Variants in CUL4A observed in about 807,000 individuals in gnomAD.
The protein encoded by CUL4A is cullin-4A.
CUL4A carries 16 observed loss-of-function variants against 95.5 expected under a neutral mutation model. The observed-to-expected ratio is 0.17, with a 90% CI of 0.11 to 0.25. The LOEUF is 0.25. CUL4A is among the 10% of genes least tolerant of loss of function. The pLI, the probability that CUL4A is intolerant of heterozygous loss-of-function variation, is 1.00. For synonymous variants in CUL4A, 380 were observed against 353.1 expected (o/e 1.08, Z -0.85); for missense variants, 610 against 937.0 (o/e 0.65, Z 4.56).
At chr13:113,224,584 C>T (rs2041031542) in intron 3 of CUL4A, among the ~76,000 whole-genome samples, 1 of 152,234 alleles carries the variant, frequency 6.6e-6, no homozygotes, top group African/African-American at 2.4e-5. Context: ...CCAGTTTCCT[C>T]TAAGTGTGCC....
At chr13:113,257,226 G>A (rs1428776453) in intron 18 of CUL4A, among the ~76,000 whole-genome samples, 1 of 151,946 alleles carries the variant, frequency 6.6e-6, no homozygotes, top group African/African-American at 2.4e-5. Flanking sequence ...TGCCCAGCCT[G>A]CTTTGTCATT....
In CUL4A at chr13:113,236,983, A is replaced by G. The variant is rs766299617; in HGVS notation, c.916+93A>G. The stretch of plus-strand genomic sequence containing the variant: ...GGGCATTACAAATAGCAGTGTTAGG[A>G]CGTTTGTTATTTTCATAAGACAGTC... On this transcript the variant is annotated intron_variant, in intron 9 of 19. Coordinates refer to ENST00000375440, the MANE Select transcript of CUL4A (RefSeq NM_001008895.4). 2.0e-4 allele frequency: 163 copies of G among 804,984 alleles called. 1 individual carries two copies. Among genetic ancestry groups the G allele is most frequent in the Non-Finnish European group, 3.1e-4 (156 of 504,558 alleles). The allele number at this position is 804,984 out of a possible 1,614,324, so 49.9% of individuals were successfully genotyped here.
chr13:113,208,229 C>A, upstream of CUL4A: 2 of 1,493,948 alleles, frequency 1.3e-6, no homozygotes, highest in Non-Finnish European at 1.8e-6. Context: ...AGCGTCCATC[C>A]GACACAGCAC....
rs546441098 is a variant in CUL4A, at chr13:113,260,594, CT to C, written c.2032-7del. ...CAGTTTTACACTTAACTTTTTTTTT[CT>C]TTTTTATACAGGTTGAGGAACAGGT... On this transcript the variant is annotated splice_polypyrimidine_tract_variant and intron_variant, in intron 18 of 19. Transcript: ENST00000375440. 3.8e-6 allele frequency: 6 copies of C among 1,575,364 alleles called. No homozygotes were observed. Among genetic ancestry groups the C allele is most frequent in the Non-Finnish European group, 5.1e-6 (6 of 1,168,766 alleles).
At chr13:113,247,069 G>C (rs963662425) in intron 15 of CUL4A, among the ~76,000 whole-genome samples, 12 of 152,186 alleles carry the variant, frequency 7.9e-5, no homozygotes, top group African/African-American at 2.4e-4. Flanking sequence ...TGAAGGCAAA[G>C]GGGGAGTAGG....
intron 3 of CUL4A, among the ~76,000 whole-genome samples, chr13:113,227,087 G>A (rs578214839): frequency 1.3e-5 from 2 of 152,278 alleles, no homozygotes; most frequent in South Asian, 4.1e-4. Flanking sequence ...AGTGGCGAGC[G>A]GCCAGAGGCA....
chr13:113,253,016 T>C, intron 15 of CUL4A, 66 bp from the exon 16 acceptor site: 1 of 686,264 alleles, frequency 1.5e-6, no homozygotes, highest in South Asian at 2.2e-5. Context: ...ACTCTGTGCA[T>C]TGAATGGGGA....
intron 19 of CUL4A, among the ~76,000 whole-genome samples, chr13:113,261,133 C>T (rs985247000): frequency 5.9e-5 from 9 of 152,216 alleles, no homozygotes; most frequent in Non-Finnish European, 1.2e-4. Flanking sequence ...TTACAGCCTA[C>T]ACCGCGTTTT....
chr13:113,209,741 C>G lies in CUL4A; in HGVS notation c.114C>G (p.Gly38=). ...CGCCCGCCAAGCCGGGGGGCGCGGG[C>G]GGCTCCAAGAAGCTGGTCATCAAGA... ...AAAPAKPGGA[G]GSKKLVIKNF... Residue 38 remains glycine, a synonymous_variant, in exon 1 of 20, where the codon GGC becomes GGG. Coordinates refer to ENST00000375440, the MANE Select transcript of CUL4A (RefSeq NM_001008895.4). 8.5e-7 allele frequency: 1 copy of G among 1,169,850 alleles called. No individual in the cohort carries two copies. The highest frequency in any genetic ancestry group is 1.1e-6 in the Non-Finnish European group (1 of 948,246). The allele number at this position is 1,169,850 out of a possible 1,614,324, so 72.5% of individuals were successfully genotyped here.
chr13:113,219,000 G>A lies in CUL4A; in HGVS notation c.320G>A (p.Arg107His), dbSNP rs201003509. The A allele has an allele frequency of 2.4e-5, 38 of 1,613,750 alleles. No homozygotes were observed. Among genetic ancestry groups the A allele is most frequent in the African/African-American group, 8.0e-5 (6 of 74,970 alleles). Residue 107 changes from arginine to histidine, a missense_variant, in exon 3 of 20, where the codon CGT becomes CAT. This residue lies in a region of CUL4A where 168 missense variants were observed against 185.5 expected (regional missense o/e 0.91). Coordinates refer to ENST00000375440, the MANE Select transcript of CUL4A (RefSeq NM_001008895.4). ...KVSPMLYKQL[R>H]QACEDHVQAQ... Reference sequence around the variant, plus strand: ...TCCCCAATGCTCTACAAGCAACTGCGTCAGGCCTGTGAAGACCACGTCCAG... The same window carrying A: ...TCCCCAATGCTCTACAAGCAACTGCATCAGGCCTGTGAAGACCACGTCCAG...
intron 2 of CUL4A, among the ~76,000 whole-genome samples, chr13:113,212,233 C>T (rs1000247618): frequency 1.3e-5 from 2 of 152,172 alleles, no homozygotes; most frequent in Admixed American, 1.3e-4. Context: ...CTTGCAAATA[C>T]TTTCTGCCTA....
intron 3 of CUL4A, 53 bp from the exon 4 acceptor site, chr13:113,227,922 AG>A (rs1032238195): frequency 2.6e-5 from 30 of 1,137,738 alleles, no homozygotes; most frequent in Admixed American, 1.2e-4. Context: ...AAAAAAAAAA[AG>A]GTAATAATTA....
chr13:113,218,131 G>A (rs1024798253), intron 2 of CUL4A, among the ~76,000 whole-genome samples: 4 of 152,100 alleles, frequency 2.6e-5, no homozygotes, highest in African/African-American at 9.7e-5. Flanking sequence ...CCAGCTACTC[G>A]GGAGGCTGAG....
upstream of CUL4A, chr13:113,208,634 T>C (rs138409614): frequency 4.2e-5 from 67 of 1,606,806 alleles, no homozygotes; most frequent in African/African-American, 5.4e-5. Flanking sequence ...ATGTGCGCCA[T>C]GGGAGCGCCG....
At position 113,219,034 on chromosome 13, in the gene CUL4A, C is replaced by A; in HGVS notation, c.354C>A (p.Ile118=). ...GTGAAGACCACGTCCAGGCACAGAT[C>A]CTTCCGTTTAGAGAATATCCTTTTT... is the stretch of plus-strand genomic sequence containing the variant. ...QACEDHVQAQ[I]LPFREDSLDS... The change falls in exon 3 of 20, where the codon ATC becomes ATA. Residue 118 remains isoleucine, a synonymous_variant. Coordinates refer to ENST00000375440, the MANE Select transcript of CUL4A (RefSeq NM_001008895.4). 2 of 1,606,902 alleles carry A rather than the reference C, an allele frequency of 1.2e-6. No individual in the cohort carries two copies. The highest frequency in any genetic ancestry group is 1.7e-6 in the Non-Finnish European group (2 of 1,176,932).
intron 10 of CUL4A, among the ~76,000 whole-genome samples, chr13:113,239,865 G>C (rs1031237414): frequency 1.3e-5 from 2 of 152,202 alleles, no homozygotes; most frequent in African/African-American, 4.8e-5. Context: ...TTTTCCTAAA[G>C]TAATCATTTT....
intron 2 of CUL4A, among the ~76,000 whole-genome samples, chr13:113,213,127 C>G (rs1339960144): frequency 1.3e-5 from 2 of 152,158 alleles, no homozygotes; most frequent in Admixed American, 1.3e-4. Context: ...GTGGCTCACA[C>G]CTGTAATCCC....
At chr13:113,252,673 G>A (rs978861834) in intron 15 of CUL4A, among the ~76,000 whole-genome samples, 1 of 152,246 alleles carries the variant, frequency 6.6e-6, no homozygotes, top group South Asian at 2.1e-4. Context: ...ACCCTTCACA[G>A]ATGAGGAAGC....
intron 10 of CUL4A, among the ~76,000 whole-genome samples, chr13:113,240,302 C>T (rs763351945): frequency 4.6e-5 from 7 of 152,210 alleles, no homozygotes; most frequent in Admixed American, 2.0e-4. Context: ...CAAGGCAGCC[C>T]TCACCACAAA....
Sources: allele counts gnomAD v4.1 joint callset (sites outside exome capture counted in the v4.1 genomes callset), GRCh38; gene constraint gnomAD v4.1.1; regional missense constraint gnomAD v4.1.1; transcripts MANE v1.5; gene names NCBI Gene and HGNC (gene_info 2026-07-23, HGNC 2026-07-21).